RBFOX1: variants seen among roughly 807,000 people sequenced by gnomAD.
RBFOX1 encodes RNA binding fox-1 homolog 1.
A neutral mutation model predicts 57.7 loss-of-function variants in RBFOX1; 8 were observed. The observed-to-expected ratio is 0.14, with a 90% CI of 0.08 to 0.25. RBFOX1 has a LOEUF of 0.25. Among genes scored for constraint, RBFOX1 ranks in the 10% least tolerant of loss-of-function variants. RBFOX1 has a pLI of 1.00. For synonymous variants in RBFOX1, 326 were observed against 222.4 expected (o/e 1.47, Z -4.15); for missense variants, 611 against 548.5 (o/e 1.11, Z -1.14).
chr16:7,581,807 C>T (rs2093785860), intron 6 of RBFOX1, among the ~76,000 whole-genome samples: 1 of 152,070 alleles, frequency 6.6e-6, no homozygotes, highest in Admixed American at 6.6e-5. Context: ...AATTCTTGGG[C>T]TCAAGGGATC....
intron 2 of RBFOX1, among the ~76,000 whole-genome samples, chr16:6,512,936 G>C (rs1001487364): frequency 6.6e-6 from 1 of 152,202 alleles, no homozygotes; most frequent in Non-Finnish European, 1.5e-5. Context: ...ATCTTTTGCT[G>C]TTACACATGA....
At chr16:6,414,709 A>G (rs1177544458) in intron 2 of RBFOX1, among the ~76,000 whole-genome samples, 3 of 152,184 alleles carry the variant, frequency 2.0e-5, no homozygotes, top group African/African-American at 7.2e-5. Context: ...CCCTGTACAT[A>G]TAATACAGTC....
At chr16:6,104,623 C>T (rs915570538) in intron 1 of RBFOX1, among the ~76,000 whole-genome samples, 1 of 152,154 alleles carries the variant, frequency 6.6e-6, no homozygotes, top group Non-Finnish European at 1.5e-5. Flanking sequence ...TTCCTAGCAG[C>T]ATAATTCAAA....
chr16:6,022,919 A>T (rs1596456940), intron 1 of RBFOX1, among the ~76,000 whole-genome samples: 1 of 152,100 alleles, frequency 6.6e-6, no homozygotes, highest in East Asian at 1.9e-4. Context: ...ATCATACATG[A>T]CTGTTTTAAG....
intron 3 of RBFOX1, among the ~76,000 whole-genome samples, chr16:5,686,617 C>T (rs2050512604): frequency 6.6e-6 from 1 of 152,034 alleles, no homozygotes; most frequent in South Asian, 2.1e-4. Flanking sequence ...ACTGCCTCCC[C>T]TAGAGGCCAT....
chr16:7,209,142 AAATAATAATAATAATAATAAT>A (rs60784195), intron 4 of RBFOX1, among the ~76,000 whole-genome samples: 43 of 140,480 alleles, frequency 3.1e-4, no homozygotes, highest in African/African-American at 8.1e-4. Flanking sequence ...CAAAAATACA[AAATAATAATAATAATAATAAT>A]AATAATAATA....
chr16:7,151,579 T>A (rs1477804533), intron 4 of RBFOX1, among the ~76,000 whole-genome samples: 1 of 152,180 alleles, frequency 6.6e-6, no homozygotes, highest in Admixed American at 6.5e-5. Flanking sequence ...GAAGACAATT[T>A]TTTCCAGGGA....
chr16:7,273,766 T>G (rs2095386761), intron 4 of RBFOX1, among the ~76,000 whole-genome samples: 1 of 152,216 alleles, frequency 6.6e-6, no homozygotes, highest in African/African-American at 2.4e-5. Flanking sequence ...AGAAGATATT[T>G]GCCATACCCA....
intron 4 of RBFOX1, among the ~76,000 whole-genome samples, chr16:7,376,500 G>A (rs2097688323): frequency 6.6e-6 from 1 of 152,150 alleles, no homozygotes; most frequent in Admixed American, 6.5e-5. Context: ...GTTGGTGAGT[G>A]TTTACCACAG....
intron 4 of RBFOX1, among the ~76,000 whole-genome samples, chr16:7,324,655 C>T (rs970011005): frequency 6.6e-6 from 1 of 152,174 alleles, no homozygotes; most frequent in African/African-American, 2.4e-5. Flanking sequence ...TCAGGAAGCG[C>T]TTAATGAACC....
chr16:7,544,865 A>C (rs371717897), intron 5 of RBFOX1, among the ~76,000 whole-genome samples: 1 of 152,130 alleles, frequency 6.6e-6, no homozygotes, highest in South Asian at 2.1e-4. Context: ...TTGCTTACCA[A>C]TTCTGGACAT....
At chr16:7,480,728 G>A (rs1350758806) in intron 4 of RBFOX1, among the ~76,000 whole-genome samples, 1 of 152,186 alleles carries the variant, frequency 6.6e-6, no homozygotes, top group African/African-American at 2.4e-5. Flanking sequence ...TGCCCTCCGA[G>A]GGCACAGGCT....
intron 4 of RBFOX1, among the ~76,000 whole-genome samples, chr16:7,311,020 C>T (rs2096294007): frequency 1.3e-5 from 2 of 152,234 alleles, no homozygotes; most frequent in African/African-American, 4.8e-5. Context: ...ATTACTCCTT[C>T]CGCTACCTTG....
At chr16:5,745,060 A>G (rs1416609718) in intron 3 of RBFOX1, among the ~76,000 whole-genome samples, 4 of 152,158 alleles carry the variant, frequency 2.6e-5, no homozygotes, top group Non-Finnish European at 4.4e-5. Context: ...TGTCATTTAC[A>G]TTAGGTATAT....
At chr16:6,169,519 C>A (rs1172045997) in intron 1 of RBFOX1, among the ~76,000 whole-genome samples, 1 of 152,108 alleles carries the variant, frequency 6.6e-6, no homozygotes, top group African/African-American at 2.4e-5. Context: ...AGGCAGCCCC[C>A]AGAATCAGGG....
At chr16:7,200,314 G>T (rs2088007637) in intron 4 of RBFOX1, among the ~76,000 whole-genome samples, 1 of 152,166 alleles carries the variant, frequency 6.6e-6, no homozygotes, top group Non-Finnish European at 1.5e-5. Flanking sequence ...TAACTTAATG[G>T]TGACACTAAG....
In RBFOX1 at chr16:6,038,531, GATATATATATATATATATATCATCCAT is replaced by G. The variant is rs1312206714; in HGVS notation, c.-127+18550_-127+18576del. 10 of 133,956 alleles carry G rather than the reference GATATATATATATATATATATCATCCAT, an allele frequency of 7.5e-5. No homozygotes were observed. In the East Asian group the frequency reaches 1.3e-3, roughly 17 times the overall value. The allele number at this position is 133,956 out of a possible 1,614,324, so 8.3% of individuals were successfully genotyped here. Reference sequence around the variant, plus strand: ...CAATATCCATATATATATCCGTGGAGATATATATATATATATATATCATCCATATATATATATCATCCATATATATAT... The same window carrying G: ...CAATATCCATATATATATCCGTGGAGATATATATATCATCCATATATATAT... On this transcript the variant is annotated intron_variant, in intron 1 of 15. Transcript: ENST00000550418.
chr16:6,177,186 G>GTTTTTTTTTTTT (rs569428293), intron 1 of RBFOX1, among the ~76,000 whole-genome samples: 2 of 128,628 alleles, frequency 1.6e-5, no homozygotes, highest in Non-Finnish European at 3.4e-5. Context: ...TTTCTTGTTT[G>GTTTTTTTTTTTT]TTTTTTTTTT....
intron 4 of RBFOX1, among the ~76,000 whole-genome samples, chr16:7,356,469 C>T (rs1008403199): frequency 6.6e-6 from 1 of 152,102 alleles, no homozygotes; most frequent in African/African-American, 2.4e-5. Context: ...TCAAAAGAAG[C>T]CAGGATGGCC....
Sources: gnomAD v4.1 joint callset for allele counts (sites outside exome capture counted in the v4.1 genomes callset) on GRCh38, gnomAD v4.1.1 for gene constraint, MANE v1.5 for transcripts, NCBI Gene and HGNC (gene_info 2026-07-23, HGNC 2026-07-21) for gene names.